ESYT2: variants seen among roughly 807,000 people sequenced by gnomAD.
ESYT2 encodes extended synaptotagmin 2, also known as extended synaptotagmin-2.
A neutral mutation model predicts 107.2 loss-of-function variants in ESYT2; 54 were observed. That is an observed-to-expected ratio of 0.50 (90% CI 0.40 to 0.63). The LOEUF (loss-of-function observed/expected upper bound fraction) is 0.63. Among genes scored for constraint, ESYT2 ranks in the 30% least tolerant of loss-of-function variants. The pLI, the probability that ESYT2 is intolerant of heterozygous loss-of-function variation, is 0.00. For synonymous variants in ESYT2, 491 were observed against 434.1 expected, an observed-to-expected ratio of 1.13 and a Z score of -1.63; for missense variants, 1,020 against 1,094.5, an observed-to-expected ratio of 0.93 and a Z score of 0.96.
chr7:158,790,978 A>C (rs1839270412), intron 4 of ESYT2, among the ~76,000 whole-genome samples: 1 of 152,150 alleles, frequency 6.6e-6, no homozygotes, highest in Admixed American at 6.5e-5. Flanking sequence ...CCTCATAATC[A>C]TTTTTAAGTG....
intron 19 of ESYT2, among the ~76,000 whole-genome samples, chr7:158,737,703 C>G (rs1421047600): frequency 6.6e-6 from 1 of 152,174 alleles, no homozygotes; most frequent in East Asian, 1.9e-4. Flanking sequence ...ATCTAAGTGG[C>G]AAGAATATAT....
rs577820649 is a variant in ESYT2 at position 158,823,222 on chromosome 7, G to A, written c.330+5867C>T. On this transcript the variant is annotated intron_variant, in intron 1 of 22. Transcript: ENST00000275418. ...AGGCAGGAGAATTGCTTGAACCAGC[G>A]AGGCGGAGGTTGCAGTGACCCGAGA... Among the ~76,000 whole-genome samples the A allele has an allele frequency of 1.4e-4, 20 of 143,778 alleles. No individual in the cohort carries two copies. The East Asian group carries it at 3.4e-3, about 25-fold the overall frequency. The allele number at this position is 143,778 out of a possible 152,430, so 94.3% of individuals were successfully genotyped here.
At chr7:158,787,946 C>T (rs1043449978) in intron 6 of ESYT2, 58 bp downstream of exon 6, 14 of 1,355,504 alleles carry the variant, frequency 1.0e-5, no homozygotes, top group Admixed American at 5.1e-5. Flanking sequence ...TATTCTTCCA[C>T]GGGTATGTAT....
At chr7:158,828,762 G>A (rs1407050356) in intron 1 of ESYT2, among the ~76,000 whole-genome samples, 2 of 152,034 alleles carry the variant, frequency 1.3e-5, no homozygotes. Context: ...GGCCGGGGCG[G>A]GGCTGGGGTC....
chr7:158,771,991 C>T (rs1322357239), intron 7 of ESYT2, among the ~76,000 whole-genome samples: 4 of 151,826 alleles, frequency 2.6e-5, no homozygotes, highest in Non-Finnish European at 4.4e-5. Context: ...TGTGGTGGCG[C>T]GCACCTGTAA....
chr7:158,789,439 G>A (rs13241539), intron 4 of ESYT2, among the ~76,000 whole-genome samples: 16,356 of 151,888 alleles, frequency 0.11, 926 homozygotes, highest in African/African-American at 0.13. Flanking sequence ...TCACTGCAAC[G>A]GCCGCTATCT....
chr7:158,755,207 C>T lies in ESYT2; in HGVS notation c.1420-2364G>A, dbSNP rs112741140. Among the ~76,000 whole-genome samples, 776 of 152,316 alleles carry T rather than the reference C, an allele frequency of 5.1e-3. 4 individuals carry two copies. Among genetic ancestry groups the T allele is most frequent in the African/African-American group, 0.018 (745 of 41,564 alleles). ...TGAGTGGGTAGGAAGTAAGAGAGCA[C>T]TGGGTTGGCAGCCGTCAAAGCCTTC... On this transcript the variant is annotated intron_variant, in intron 13 of 22. Coordinates refer to ENST00000275418, the MANE Select transcript of ESYT2 (RefSeq NM_001367773.1).
chr7:158,761,448 G>A lies in ESYT2; in HGVS notation c.1233+48C>T, dbSNP rs143127704. 5.3e-4 allele frequency: 842 copies of A among 1,581,384 alleles called. 4 individuals carry two copies. In the African/African-American group the frequency reaches 0.01, roughly 20 times the overall value. On this transcript the variant is annotated intron_variant, in intron 11 of 22. Transcript: ENST00000275418. ...TCGTGGCTCCTCTGGCACAGGGCAG[G>A]GACTCAGTCAACAATTGTAAACAGA... is the stretch of plus-strand genomic sequence containing the variant.
intron 6 of ESYT2, among the ~76,000 whole-genome samples, chr7:158,785,889 G>A (rs1839095455): frequency 6.6e-6 from 1 of 152,056 alleles, no homozygotes; most frequent in Non-Finnish European, 1.5e-5. Context: ...TTTCGTAAGG[G>A]TTTCTAAATC....
At position 158,763,124 on chromosome 7, in the gene ESYT2, C is replaced by T; in HGVS notation, c.1143G>A (p.Glu381=). The T allele has an allele frequency of 6.2e-7, 1 of 1,613,186 alleles. No individual in the cohort carries two copies. The highest frequency in any genetic ancestry group is 8.5e-7 in the Non-Finnish European group (1 of 1,179,476). Residue 381 remains glutamate, a synonymous_variant, in exon 10 of 23, where the codon GAG becomes GAA. Transcript: ENST00000275418. ...YEHPGQELEI[E]LFDEDPDKDD... is the part of the protein sequence containing the mutation. ...CCTTGTCTGGGTCTTCATCAAAGAG[C>T]TCAATCTCTAATTCTTGTCCAGGAT... is the stretch of plus-strand genomic sequence containing the variant.
chr7:158,775,166 G>T (rs1373771386), intron 6 of ESYT2, among the ~76,000 whole-genome samples: 2 of 152,114 alleles, frequency 1.3e-5, no homozygotes, highest in Non-Finnish European at 2.9e-5. Flanking sequence ...TTTTAAAAAT[G>T]TACATACCTT....
At chr7:158,777,380 T>C (rs1387249883) in intron 6 of ESYT2, among the ~76,000 whole-genome samples, 1 of 152,222 alleles carries the variant, frequency 6.6e-6, no homozygotes, top group African/African-American at 2.4e-5. Context: ...TCTGTGTCCC[T>C]ACCCAAATCT....
chr7:158,772,865 C>A (rs1184036238), intron 7 of ESYT2, among the ~76,000 whole-genome samples: 1 of 147,346 alleles, frequency 6.8e-6, no homozygotes, highest in Non-Finnish European at 1.5e-5. Context: ...CTGTCCCCAA[C>A]CCATTTCAAA....
At chr7:158,742,608 C>T (rs1425070101) in intron 17 of ESYT2, among the ~76,000 whole-genome samples, 1 of 152,208 alleles carries the variant, frequency 6.6e-6, no homozygotes, top group East Asian at 1.9e-4. Flanking sequence ...GACATGAGTG[C>T]AGGAGCAGGG....
intron 6 of ESYT2, among the ~76,000 whole-genome samples, chr7:158,778,183 C>A (rs1274863981): frequency 6.6e-6 from 1 of 152,134 alleles, no homozygotes; most frequent in African/African-American, 2.4e-5. Flanking sequence ...ACAGAATTAA[C>A]AACTCTCTTA....
intron 6 of ESYT2, among the ~76,000 whole-genome samples, chr7:158,782,117 G>C (rs938071973): frequency 7.3e-6 from 1 of 137,894 alleles, no homozygotes; most frequent in Non-Finnish European, 1.5e-5. Context: ...AGTGTGAGGT[G>C]TGAGTGTAAG....
At chr7:158,772,310 A>G (rs899327740) in intron 7 of ESYT2, among the ~76,000 whole-genome samples, 1 of 152,206 alleles carries the variant, frequency 6.6e-6, no homozygotes, top group Non-Finnish European at 1.5e-5. Context: ...AAGGACTTTC[A>G]TGATGACTGT....
chr7:158,756,510 G>T (rs577222283), intron 13 of ESYT2, among the ~76,000 whole-genome samples: 1 of 152,290 alleles, frequency 6.6e-6, no homozygotes, highest in East Asian at 1.9e-4. Context: ...TAAAAAATGG[G>T]TGAATTTCTA....
chr7:158,823,478 C>G (rs1397949273), intron 1 of ESYT2, among the ~76,000 whole-genome samples: 2 of 151,048 alleles, frequency 1.3e-5, no homozygotes, highest in African/African-American at 2.4e-5. Context: ...AGGCGCACAC[C>G]GCCACGCCCG....
Sources: gnomAD v4.1 joint callset for allele counts (sites outside exome capture counted in the v4.1 genomes callset) on GRCh38, gnomAD v4.1.1 for gene constraint, MANE v1.5 for transcripts, NCBI Gene and HGNC (gene_info 2026-07-23, HGNC 2026-07-21) for gene names.